The following TRAPPC11 variants were observed in gnomAD, a reference collection of about 807,000 sequenced individuals.
TRAPPC11 encodes foie gras homolog.
TRAPPC11 carries 104 observed loss-of-function variants against 151.2 expected under a neutral mutation model. The observed-to-expected ratio is 0.69, with a 90% CI of 0.59 to 0.81. TRAPPC11 has a LOEUF of 0.81. Ranked by LOEUF, TRAPPC11 falls within the 30% of genes least tolerant of loss-of-function variation. The pLI, the probability that TRAPPC11 is intolerant of heterozygous loss-of-function variation, is 0.00. For synonymous variants in TRAPPC11, 456 were observed against 472.3 expected (o/e 0.97, Z 0.45); for missense variants, 1,230 against 1,349.6 (o/e 0.91, Z 1.39).
chr4:183,710,847 G>A (rs922473304), intron 29 of TRAPPC11, among the ~76,000 whole-genome samples: 5 of 151,632 alleles, frequency 3.3e-5, no homozygotes, highest in Admixed American at 1.3e-4. Flanking sequence ...TAGTTAACAT[G>A]GTGAAACCCC....
chr4:183,696,030 G>C (rs777011780), intron 23 of TRAPPC11, among the ~76,000 whole-genome samples: 10 of 152,166 alleles, frequency 6.6e-5, no homozygotes, highest in African/African-American at 2.2e-4. Flanking sequence ...AATCCAAAAC[G>C]TTCCAAAATC....
In TRAPPC11 at chr4:183,668,090, C is replaced by T. The variant is rs1222392420; in HGVS notation, c.533C>T (p.Thr178Ile). 2 of 1,611,762 alleles carry T rather than the reference C, an allele frequency of 1.2e-6. No homozygotes were observed. The highest frequency in any genetic ancestry group is 2.2e-5 in the East Asian group (1 of 44,864). ...SGKSLFVLPH[T>I]DHLVGYIIRL... Reference sequence around the variant, plus strand: ...AAGTCTTTGTTTGTACTGCCGCACACTGACCACCTTGTGGGTTATATTATA... The same window carrying T: ...AAGTCTTTGTTTGTACTGCCGCACATTGACCACCTTGTGGGTTATATTATA... Residue 178 changes from threonine (T) to isoleucine (I), a missense_variant, in exon 5 of 30, where the codon ACT (threonine) becomes ATT (isoleucine). Thr to Ile is a moderately conservative substitution (Grantham distance 89). Transcript: ENST00000334690.
rs180755009 is a variant in TRAPPC11 at position 183,665,239 on chromosome 4, C to T, written c.205-1018C>T. On this transcript the variant is annotated intron_variant, in intron 2 of 29. Coordinates refer to ENST00000334690, the MANE Select transcript of TRAPPC11 (RefSeq NM_021942.6). Reference sequence around the variant, plus strand: ...CCTCCCGAGTGGCTGGGACTACAGGCGCCCGCCACCACGTCCAGCTAATTT... The same window carrying T: ...CCTCCCGAGTGGCTGGGACTACAGGTGCCCGCCACCACGTCCAGCTAATTT... Among the ~76,000 whole-genome samples the T allele has an allele frequency of 2.4e-3, 367 of 151,822 alleles. 1 individual carries two copies. Among genetic ancestry groups the T allele is most frequent in the African/African-American group, 8.1e-3 (337 of 41,374 alleles).
chr4:183,704,956 A>G (rs1374639716), intron 26 of TRAPPC11, 23 bp from the exon 27 acceptor site: 3 of 1,499,606 alleles, frequency 2.0e-6, no homozygotes, highest in Non-Finnish European at 2.7e-6. Context: ...AAGAGTTTAA[A>G]AAGATGACCT....
chr4:183,702,400 A>T (rs1017149909), intron 26 of TRAPPC11, among the ~76,000 whole-genome samples: 1 of 151,950 alleles, frequency 6.6e-6, no homozygotes, highest in Admixed American at 6.6e-5. Context: ...AAAATGGGGG[A>T]AAAAAACGTA....
At chr4:183,661,259 T>C (rs568214701) in intron 1 of TRAPPC11, among the ~76,000 whole-genome samples, 1 of 152,128 alleles carries the variant, frequency 6.6e-6, no homozygotes, top group African/African-American at 2.4e-5. Flanking sequence ...GTTGAAAATA[T>C]TCCATGTTTT....
chr4:183,662,579 C>A (rs1011568470), intron 1 of TRAPPC11, among the ~76,000 whole-genome samples: 1 of 151,782 alleles, frequency 6.6e-6, no homozygotes, highest in Non-Finnish European at 1.5e-5. Context: ...ACAGATTTTT[C>A]TTTAAAGAGT....
intron 18 of TRAPPC11, among the ~76,000 whole-genome samples, chr4:183,688,195 C>T (rs945273760): frequency 6.6e-6 from 1 of 151,926 alleles, no homozygotes; most frequent in African/African-American, 2.4e-5. Context: ...AAAGATTGCC[C>T]AAATAGGTAA....
In TRAPPC11 at chr4:183,680,232, C is replaced by T. The variant is rs769292999; in HGVS notation, c.1078C>T (p.Arg360Trp). The change falls in exon 10 of 30, where the codon CGG (arginine) becomes TGG (tryptophan). Residue 360 changes from arginine to tryptophan, a missense_variant. Arg to Trp is a moderately radical substitution (Grantham distance 101). Coordinates refer to ENST00000334690, the MANE Select transcript of TRAPPC11 (RefSeq NM_021942.6). Reference sequence around the variant, plus strand: ...GCAGGCAGCATACTATGCCCAGGAGCGGAAACAGCTTGCAAAAACCCTCTG... The same window carrying T: ...GCAGGCAGCATACTATGCCCAGGAGTGGAAACAGCTTGCAAAAACCCTCTG... ...YQQAAYYAQERKQLAKTLCNH... is the reference protein window; with the variant it reads ...YQQAAYYAQEWKQLAKTLCNH... 31 of 1,613,774 alleles carry T rather than the reference C, an allele frequency of 1.9e-5. No homozygotes were observed. The highest frequency in any genetic ancestry group is 2.4e-5 in the Non-Finnish European group (28 of 1,179,930).
chr4:183,700,827 A>G (rs902662815), intron 25 of TRAPPC11: 1 of 152,034 alleles, frequency 6.6e-6, no homozygotes, highest in Non-Finnish European at 1.5e-5. Flanking sequence ...TGCTTTAAAG[A>G]ACATTTCCTC....
At chr4:183,679,548 G>A in intron 9 of TRAPPC11, 62 bp downstream of exon 9, 2 of 1,422,702 alleles carry the variant, frequency 1.4e-6, no homozygotes, top group African/African-American at 1.4e-5. Context: ...TGGAGAAATA[G>A]CATGGACTTT....
At chr4:183,700,571 G>A (rs1194146711) in intron 25 of TRAPPC11, among the ~76,000 whole-genome samples, 2 of 152,162 alleles carry the variant, frequency 1.3e-5, no homozygotes, top group South Asian at 2.1e-4. Flanking sequence ...TTGAATGGGC[G>A]CTTATCTTGT....
intron 18 of TRAPPC11, among the ~76,000 whole-genome samples, chr4:183,689,138 A>G (rs753982151): frequency 2.0e-5 from 3 of 152,204 alleles, no homozygotes; most frequent in Non-Finnish European, 2.9e-5. Flanking sequence ...ATGGAAGCCA[A>G]TTAGAGGCTC....
At chr4:183,702,995 C>A (rs1736876622) in intron 26 of TRAPPC11, among the ~76,000 whole-genome samples, 1 of 151,966 alleles carries the variant, frequency 6.6e-6, no homozygotes, top group African/African-American at 2.4e-5. Flanking sequence ...CCTAAAAAAA[C>A]CAGTAACTGG....
At chr4:183,708,357 T>C in intron 28 of TRAPPC11, 50 bp from the exon 29 acceptor site, 1 of 1,562,394 alleles carries the variant, frequency 6.4e-7, no homozygotes, top group Non-Finnish European at 8.7e-7. Context: ...ATATAGATAT[T>C]GCACATATGT....
chr4:183,705,135 G>T (rs1736993386), intron 27 of TRAPPC11, 65 bp downstream of exon 27: 2 of 1,155,406 alleles, frequency 1.7e-6, no homozygotes, highest in Admixed American at 1.8e-5. Flanking sequence ...TAACCTCTAA[G>T]AGTTTAGTTA....
At chr4:183,678,321 C>T (rs182047758) in intron 8 of TRAPPC11, among the ~76,000 whole-genome samples, 6 of 152,242 alleles carry the variant, frequency 3.9e-5, no homozygotes, top group East Asian at 1.9e-4. Context: ...AGTCAAGCAA[C>T]GGCTGTTTGG....
chr4:183,669,745 A>G (rs765361133), intron 5 of TRAPPC11, among the ~76,000 whole-genome samples: 3 of 152,182 alleles, frequency 2.0e-5, no homozygotes, highest in African/African-American at 7.2e-5. Flanking sequence ...GCCCTGCACA[A>G]CAAGGAATTA....
chr4:183,688,646 C>T (rs558807639), intron 18 of TRAPPC11, among the ~76,000 whole-genome samples: 4 of 152,318 alleles, frequency 2.6e-5, no homozygotes, highest in African/African-American at 9.6e-5. Flanking sequence ...AGCTGGGTCA[C>T]CTGAAGATCA....
Sources: gnomAD v4.1 joint callset for allele counts (sites outside exome capture counted in the v4.1 genomes callset) on GRCh38, gnomAD v4.1.1 for gene constraint, MANE v1.5 for transcripts, NCBI Gene and HGNC (gene_info 2026-07-23, HGNC 2026-07-21) for gene names.